GTF2F2: variants seen among roughly 807,000 people sequenced by gnomAD.
GTF2F2 encodes general transcription factor IIF subunit 2.
In GTF2F2, 23 loss-of-function variants were observed where a neutral mutation model predicts 42.2. The observed-to-expected ratio is 0.55, with a 90% confidence interval of 0.39 to 0.77. GTF2F2 has a LOEUF of 0.77. Ranked by LOEUF, GTF2F2 falls within the 30% of genes least tolerant of loss-of-function variation. GTF2F2 has a pLI of 0.00. For missense variants in GTF2F2, 261 were observed against 287.2 expected (o/e 0.91, Z 0.66); for synonymous variants, 105 against 100.8 (o/e 1.04, Z -0.25).
intron 5 of GTF2F2, among the ~76,000 whole-genome samples, chr13:45,248,348 T>G (rs1875733497): frequency 6.6e-6 from 1 of 152,208 alleles, no homozygotes; most frequent in South Asian, 2.1e-4. Context: ...GAAGGCATGG[T>G]TAGTCCTGGC....
At chr13:45,225,214 A>G (rs1345276982) in intron 5 of GTF2F2, among the ~76,000 whole-genome samples, 1 of 152,224 alleles carries the variant, frequency 6.6e-6, no homozygotes, top group African/African-American at 2.4e-5. Flanking sequence ...AGAATTCTTA[A>G]CAAGGAGGTA....
At position 45,121,012 on chromosome 13, in the gene GTF2F2, A is replaced by G. The variant is rs147814335; in HGVS notation, c.66+291A>G. The stretch of plus-strand genomic sequence containing the variant: ...TGGTGTCCCCAGATTTGGACGGTGC[A>G]TTTTATCCCAGACTGAAGAATTCCT... On this transcript the variant is annotated intron_variant, in intron 1 of 7. Transcript: ENST00000340473. 1.7e-3 allele frequency among the ~76,000 whole-genome samples: 254 copies of G among 152,248 alleles called. 1 individual carries two copies. The highest frequency in any genetic ancestry group is 5.9e-3 in the African/African-American group (245 of 41,536).
At chr13:45,229,567 A>G (rs547444092) in intron 5 of GTF2F2, among the ~76,000 whole-genome samples, 1 of 152,252 alleles carries the variant, frequency 6.6e-6, no homozygotes, top group Admixed American at 6.5e-5. Flanking sequence ...ATAAATATGT[A>G]TTAATATTTA....
chr13:45,159,622 G>A (rs2138130158), intron 4 of GTF2F2, among the ~76,000 whole-genome samples: 1 of 152,252 alleles, frequency 6.6e-6, no homozygotes, highest in East Asian at 1.9e-4. Flanking sequence ...ACAGACGTGC[G>A]CCACCACGCC....
intron 7 of GTF2F2, among the ~76,000 whole-genome samples, chr13:45,267,705 T>A (rs918007719): frequency 1.3e-5 from 2 of 152,124 alleles, no homozygotes; most frequent in Non-Finnish European, 2.9e-5. Context: ...CTCCTTCCCT[T>A]TTTTTGGAAA....
intron 7 of GTF2F2, among the ~76,000 whole-genome samples, chr13:45,278,564 A>G (rs7990177): frequency 0.43 from 64,957 of 152,014 alleles, 17,036 homozygotes; most frequent in African/African-American, 0.73. Context: ...CCTCTGTTTC[A>G]AATACAGGTG....
intron 4 of GTF2F2, among the ~76,000 whole-genome samples, chr13:45,181,121 C>T (rs1249051659): frequency 6.7e-6 from 1 of 150,084 alleles, no homozygotes; most frequent in South Asian, 2.1e-4. Flanking sequence ...GAGCCAAGAT[C>T]ACACCACTAC....
chr13:45,171,622 A>G (rs1871602819), intron 4 of GTF2F2, among the ~76,000 whole-genome samples: 2 of 152,198 alleles, frequency 1.3e-5, no homozygotes, highest in South Asian at 4.1e-4. Flanking sequence ...TTACAGCTTT[A>G]TTGAGATGAA....
chr13:45,206,224 T>C (rs1182233427), intron 4 of GTF2F2: 1 of 152,206 alleles, frequency 6.6e-6, no homozygotes, highest in African/African-American at 2.4e-5. Context: ...ACGGTGTGCT[T>C]GTAATTAGTT....
intron 7 of GTF2F2, among the ~76,000 whole-genome samples, chr13:45,276,262 A>G (rs1877030480): frequency 6.6e-6 from 1 of 152,202 alleles, no homozygotes; most frequent in Admixed American, 6.5e-5. Flanking sequence ...TTTTGTTTAT[A>G]CATTGGTACA....
At position 45,136,772 on chromosome 13, in the gene GTF2F2, G is replaced by A. The variant is rs750130020; in HGVS notation, c.106G>A (p.Gly36Arg). The change falls in exon 2 of 8, where the codon GGA (glycine) becomes AGA (arginine). Residue 36 changes from glycine (G) to arginine (R), a missense_variant. Physicochemically the swap from Gly to Arg is moderately radical, Grantham distance 125. Coordinates refer to ENST00000340473, the MANE Select transcript of GTF2F2 (RefSeq NM_004128.3). ...YLSQQWAKAS[G>R]RGEVGKLRIA... is the part of the protein sequence containing the mutation. ...GTCACAGCAATGGGCTAAAGCCTCTGGAAGAGGTGAAGTTGGGAAACTGCG... is the reference window on the plus strand; with the variant it reads ...GTCACAGCAATGGGCTAAAGCCTCTAGAAGAGGTGAAGTTGGGAAACTGCG... 6.2e-7 allele frequency: 1 copy of A among 1,601,116 alleles called. No individual in the cohort carries two copies. Among genetic ancestry groups the A allele is most frequent in the African/African-American group, 1.3e-5 (1 of 74,742 alleles).
chr13:45,237,603 C>T (rs1416125247), intron 5 of GTF2F2, among the ~76,000 whole-genome samples: 2 of 152,142 alleles, frequency 1.3e-5, no homozygotes, highest in Non-Finnish European at 2.9e-5. Context: ...CATGAGAGCA[C>T]CAAAGGACTA....
At position 45,207,301 on chromosome 13, in the gene GTF2F2, T is replaced by C. The variant is rs570520921; in HGVS notation, c.305-123T>C. On this transcript the variant is annotated intron_variant, in intron 4 of 7. Transcript: ENST00000340473. ...ACCAGTGAGATTCCTGAAACTTAAC[T>C]ATTTTTTCTTGATTTTTGATATTAA... The C allele has an allele frequency of 6.3e-6, 4 of 631,722 alleles. No individual in the cohort carries two copies. In the Admixed American group the frequency reaches 1.1e-4, roughly 17 times the overall value. The allele number at this position is 631,722 out of a possible 1,614,324, so 39.1% of individuals were successfully genotyped here.
At chr13:45,250,868 TC>T (rs1566151218) in intron 5 of GTF2F2, among the ~76,000 whole-genome samples, 1 of 152,182 alleles carries the variant, frequency 6.6e-6, no homozygotes, top group East Asian at 1.9e-4. Flanking sequence ...GAAAATTTAA[TC>T]CTTGTTCATA....
chr13:45,268,104 T>A (rs150596122), intron 7 of GTF2F2, among the ~76,000 whole-genome samples: 1 of 152,304 alleles, frequency 6.6e-6, no homozygotes, highest in East Asian at 1.9e-4. Flanking sequence ...CACATTGTTT[T>A]CCATTTAACT....
intron 2 of GTF2F2, among the ~76,000 whole-genome samples, chr13:45,141,204 A>G (rs1280389929): frequency 1.3e-5 from 2 of 152,230 alleles, no homozygotes; most frequent in African/African-American, 4.8e-5. Flanking sequence ...AAAGGAAACA[A>G]GGCTGAGAGA....
intron 6 of GTF2F2, among the ~76,000 whole-genome samples, chr13:45,257,182 A>G (rs988097784): frequency 4.6e-5 from 7 of 152,190 alleles, no homozygotes; most frequent in Non-Finnish European, 7.4e-5. Flanking sequence ...AATGTCTGTC[A>G]TACTTGCCAT....
At chr13:45,121,246 G>A (rs567957752) in intron 1 of GTF2F2, among the ~76,000 whole-genome samples, 19 of 152,322 alleles carry the variant, frequency 1.2e-4, no homozygotes, top group African/African-American at 4.3e-4. Context: ...TTGGACTGGA[G>A]TATTCTTTTA....
At chr13:45,169,642 A>G (rs1327423541) in intron 4 of GTF2F2, among the ~76,000 whole-genome samples, 1 of 152,214 alleles carries the variant, frequency 6.6e-6, no homozygotes, top group Non-Finnish European at 1.5e-5. Flanking sequence ...TTTAATTGAA[A>G]CATAACCTAC....
Sources: gnomAD v4.1 joint callset for allele counts (sites outside exome capture counted in the v4.1 genomes callset) on GRCh38, gnomAD v4.1.1 for gene constraint, MANE v1.5 for transcripts, NCBI Gene and HGNC (gene_info 2026-07-23, HGNC 2026-07-21) for gene names.